MAP3K3: variants seen among roughly 807,000 people sequenced by gnomAD.
MAP3K3 encodes the protein MAP/ERK kinase kinase 3.
Under a neutral mutation model 80.9 loss-of-function variants are expected in MAP3K3, and 12 were observed. The observed-to-expected ratio is 0.15, with a 90% confidence interval of 0.10 to 0.24. The LOEUF (loss-of-function observed/expected upper bound fraction) is 0.24, where lower values mean the gene tolerates loss of function less well. MAP3K3 is among the 10% of genes least tolerant of loss of function. The pLI is 1.00. For missense variants in MAP3K3, 596 were observed against 834.7 expected (o/e 0.71, Z 3.52); for synonymous variants, 272 against 307.1 (o/e 0.89, Z 1.19).
chr17:63,688,406 G>A lies in MAP3K3; in HGVS notation c.711-121G>A, dbSNP rs1429150708. 129 of 782,134 alleles carry A rather than the reference G, an allele frequency of 1.6e-4. 3 individuals carry two copies. The highest frequency in any genetic ancestry group is 1.6e-3 in the South Asian group (108 of 67,358). The allele number at this position is 782,134 out of a possible 1,614,324, so 48.4% of individuals were successfully genotyped here. On this transcript the variant is annotated intron_variant, in intron 8 of 15. Coordinates refer to ENST00000361733, the MANE Select transcript of MAP3K3 (RefSeq NM_002401.5). ...TGGGCTCAGAAAAGGGCTATTTCCC[G>A]CAAAATCTGCTTCCCCCACCTAATG...
At chr17:63,672,231 C>T (rs1331576805) in intron 6 of MAP3K3, among the ~76,000 whole-genome samples, 2 of 145,456 alleles carry the variant, frequency 1.4e-5, no homozygotes, top group East Asian at 2.0e-4. Context: ...TGCAGTGAGC[C>T]GAGATGGTGC....
At chr17:63,659,032 G>A (rs2034830454) in intron 5 of MAP3K3, among the ~76,000 whole-genome samples, 1 of 151,998 alleles carries the variant, frequency 6.6e-6, no homozygotes, top group Non-Finnish European at 1.5e-5. Flanking sequence ...CACTGTGCCC[G>A]GCCATTTTTT....
rs1037883572 is a variant in MAP3K3 at position 63,693,558 on chromosome 17, C to T, written c.1662C>T (p.Gly554=). The stretch of plus-strand genomic sequence containing the variant: ...GGTTCTCTCTTTCCAGGAGCCTGGG[C>T]TGCACTGTGGTGGAGATGCTGACAG... The part of the protein sequence containing the change: ...YGRKADVWSL[G]CTVVEMLTEK... The change falls in exon 16 of 16, where the codon GGC becomes GGT. Residue 554 remains glycine, a synonymous_variant. Coordinates refer to ENST00000361733, the MANE Select transcript of MAP3K3 (RefSeq NM_002401.5). The surrounding 1 kb of genome is among the most constrained non-coding windows in gnomAD (Gnocchi z 4.2). 1.9e-6 allele frequency: 3 copies of T among 1,606,868 alleles called. No individual in the cohort carries two copies. Among genetic ancestry groups the T allele is most frequent in the Non-Finnish European group, 2.5e-6 (3 of 1,177,088 alleles).
At chr17:63,629,880 G>C (rs764558105) in intron 1 of MAP3K3, among the ~76,000 whole-genome samples, 1 of 152,204 alleles carries the variant, frequency 6.6e-6, no homozygotes, top group Non-Finnish European at 1.5e-5. Context: ...TTGTCAACCT[G>C]ATAAACCAGC....
chr17:63,682,515 G>C (rs548844290), intron 7 of MAP3K3: 23 of 152,374 alleles, frequency 1.5e-4, no homozygotes, highest in African/African-American at 5.3e-4. Flanking sequence ...ACAAGACTGC[G>C]ATCAAGGTGT....
At chr17:63,641,389 C>T (rs1182329918) in intron 2 of MAP3K3, among the ~76,000 whole-genome samples, 1 of 151,862 alleles carries the variant, frequency 6.6e-6, no homozygotes, top group African/African-American at 2.4e-5. Context: ...ATTACAGGTG[C>T]CCGCCACCAC....
Position 63,689,787 on chromosome 17 carries a change from G to T in MAP3K3, c.1063+52G>T. 1 of 1,530,064 alleles carries T rather than the reference G, an allele frequency of 6.5e-7. No individual in the cohort carries two copies. The highest frequency in any genetic ancestry group is 8.8e-7 in the Non-Finnish European group (1 of 1,130,996). 94.8% of individuals were successfully genotyped at this position (1,530,064 alleles called of 1,614,324 possible). Reference sequence around the variant, plus strand: ...AGACTGCCCAGGTGGTCTCAGACAAGCTACGGGGGCAAACAGCTGGGCCCC... The same window carrying T: ...AGACTGCCCAGGTGGTCTCAGACAATCTACGGGGGCAAACAGCTGGGCCCC... On this transcript the variant is annotated intron_variant, in intron 11 of 15. Coordinates refer to ENST00000361733, the MANE Select transcript of MAP3K3 (RefSeq NM_002401.5). This position sits in a 1 kb window ranked among gnomAD's most constrained non-coding sequence, Gnocchi z 4.3.
At chr17:63,661,800 C>T (rs2034896425) in intron 5 of MAP3K3, among the ~76,000 whole-genome samples, 2 of 152,102 alleles carry the variant, frequency 1.3e-5, no homozygotes, top group Non-Finnish European at 2.9e-5. Flanking sequence ...CTTCTTCTGG[C>T]CCCTGTTAAA....
chr17:63,628,190 G>C (rs1027259484), intron 1 of MAP3K3, among the ~76,000 whole-genome samples: 4 of 151,608 alleles, frequency 2.6e-5, no homozygotes, highest in African/African-American at 9.7e-5. Context: ...ACAGGTGTGA[G>C]CCACCACGCC....
At chr17:63,665,551 A>T (rs971712705) in intron 5 of MAP3K3, among the ~76,000 whole-genome samples, 1 of 152,080 alleles carries the variant, frequency 6.6e-6, no homozygotes, top group Non-Finnish European at 1.5e-5. Context: ...TTGAATTCCC[A>T]CTATGTGTAA....
chr17:63,670,508 G>C (rs2035083452), intron 6 of MAP3K3, among the ~76,000 whole-genome samples: 1 of 148,778 alleles, frequency 6.7e-6, no homozygotes, highest in African/African-American at 2.5e-5. Flanking sequence ...ACTTGAACCT[G>C]AGAGATCGAG....
rs77452914 is a variant in MAP3K3 at position 63,637,049 on chromosome 17, G to A, written c.126+4247G>A. 1,848 of 525,624 alleles carry A rather than the reference G, an allele frequency of 3.5e-3. 33 individuals carry two copies. The highest frequency in any genetic ancestry group is 0.031 in the African/African-American group (1,524 of 49,428). The allele number at this position is 525,624 out of a possible 1,614,324, so 32.6% of individuals were successfully genotyped here. A position where few individuals can be genotyped will look rare whatever the true frequency, so the allele number is the denominator to read the frequency against. On this transcript the variant is annotated intron_variant, in intron 2 of 15. Coordinates refer to ENST00000361733, the MANE Select transcript of MAP3K3 (RefSeq NM_002401.5). ...CAAGGTGGGGACAAACTTTCTGGAA[G>A]AGGAGATTACCAAGTTTGAGAGCGT...
intron 4 of MAP3K3, among the ~76,000 whole-genome samples, chr17:63,655,552 G>A (rs1173656973): frequency 1.3e-5 from 2 of 152,186 alleles, no homozygotes; most frequent in Non-Finnish European, 2.9e-5. Context: ...AGTGCAGTGT[G>A]CAATCATGGC....
chr17:63,681,811 C>A lies in MAP3K3; in HGVS notation c.548C>A (p.Pro183His). Residue 183 changes from proline (P) to histidine (H), a missense_variant, in exon 7 of 16, where the codon CCT becomes CAT. Pro to His is a moderately conservative substitution (Grantham distance 77, BLOSUM62 -2). Transcript: ENST00000361733. ...AGCTCACCTCCCCCTGGCTATGTTC[C>A]TGAGCGGCAGCAGCACATTGCCCGG... ...GRSSPPPGYV[P>H]ERQQHIARQG... is the part of the protein sequence containing the mutation. The A allele has an allele frequency of 6.5e-7, 1 of 1,550,288 alleles. No individual in the cohort carries two copies. The highest frequency in any genetic ancestry group is 1.9e-5 in the Admixed American group (1 of 52,760).
intron 5 of MAP3K3, among the ~76,000 whole-genome samples, chr17:63,664,104 G>A (rs1321476194): frequency 5.3e-5 from 8 of 151,320 alleles, no homozygotes; most frequent in Admixed American, 1.3e-4. Context: ...AAAAATAGCC[G>A]GGCGTGGTAG....
chr17:63,690,680 C>T, intron 12 of MAP3K3: 1 of 474,796 alleles, frequency 2.1e-6, no homozygotes, highest in Non-Finnish European at 3.8e-6. Context: ...TGACCTGTGA[C>T]ACAGAGGGGA....
intron 2 of MAP3K3, among the ~76,000 whole-genome samples, chr17:63,642,657 C>G (rs1311901239): frequency 6.6e-6 from 1 of 151,788 alleles, no homozygotes; most frequent in Non-Finnish European, 1.5e-5. Context: ...GACTCTGTCT[C>G]AAAAAATAAA....
chr17:63,640,558 A>T (rs907874893), intron 2 of MAP3K3, among the ~76,000 whole-genome samples: 1 of 152,238 alleles, frequency 6.6e-6, no homozygotes, highest in African/African-American at 2.4e-5. Context: ...TTTGGCAACC[A>T]GACCTGTCCT....
chr17:63,654,776 C>T (rs2034729855), intron 4 of MAP3K3, among the ~76,000 whole-genome samples: 1 of 152,164 alleles, frequency 6.6e-6, no homozygotes, highest in Non-Finnish European at 1.5e-5. Flanking sequence ...GTGACTCACG[C>T]CTGTTAATCC....
Sources: allele counts gnomAD v4.1 joint callset (sites outside exome capture counted in the v4.1 genomes callset), GRCh38; gene constraint gnomAD v4.1.1; non-coding constraint Gnocchi (gnomAD v3.1); transcripts MANE v1.5; gene names NCBI Gene and HGNC (gene_info 2026-07-23, HGNC 2026-07-21).